Variants in CD44 observed in about 807,000 individuals in gnomAD.
CD44 encodes the protein CD44 antigen.
CD44 carries 49 observed loss-of-function variants against 88.8 expected under a neutral mutation model. The ratio of observed to expected loss-of-function variants is 0.55; its 90% CI spans 0.44 to 0.70. The LOEUF (loss-of-function observed/expected upper bound fraction) is 0.70, where lower values mean the gene tolerates loss of function less well. Among genes scored for constraint, CD44 ranks in the 30% least tolerant of loss-of-function variants. The pLI is 0.00. For synonymous variants in CD44, 325 were observed against 312.3 expected (o/e 1.04, Z -0.43); for missense variants, 883 against 913.8 (o/e 0.97, Z 0.43).
At chr11:35,151,507 C>T (rs1335649545) in intron 1 of CD44, among the ~76,000 whole-genome samples, 1 of 152,174 alleles carries the variant, frequency 6.6e-6, no homozygotes, top group Non-Finnish European at 1.5e-5. Context: ...TAGATTTTAG[C>T]TCAAGGAACA....
chr11:35,169,369 C>T (rs1388731011), intron 1 of CD44, among the ~76,000 whole-genome samples: 1 of 151,972 alleles, frequency 6.6e-6, no homozygotes, highest in Non-Finnish European at 1.5e-5. Flanking sequence ...GGTTGTGTCA[C>T]AGACTTTGAA....
At chr11:35,141,176 A>G (rs1349601408) in intron 1 of CD44, among the ~76,000 whole-genome samples, 1 of 152,172 alleles carries the variant, frequency 6.6e-6, no homozygotes, top group Non-Finnish European at 1.5e-5. Context: ...CAGGAGGAAA[A>G]CTGATGCTTA....
At chr11:35,200,702 G>A (rs1947228607) in intron 7 of CD44, 1 of 183,846 alleles carries the variant, frequency 5.4e-6, no homozygotes, top group South Asian at 1.3e-4. Flanking sequence ...TAAGTCCCTG[G>A]GCTTTCAAGT....
At chr11:35,189,769 A>T in intron 4 of CD44, 66 bp from the exon 5 acceptor site, 1 of 1,054,874 alleles carries the variant, frequency 9.5e-7, no homozygotes, top group Non-Finnish European at 1.4e-6. Context: ...TCACTATGTT[A>T]AACGCTAATC....
intron 1 of CD44, among the ~76,000 whole-genome samples, chr11:35,169,424 AC>A (rs1943640395): frequency 1.3e-5 from 2 of 151,820 alleles, no homozygotes; most frequent in Non-Finnish European, 2.9e-5. Context: ...ACACACACAC[AC>A]ACACACACAC....
chr11:35,220,988 T>G lies in CD44; in HGVS notation c.1946-666T>G, dbSNP rs141993215. Among the ~76,000 whole-genome samples, 799 of 152,246 alleles carry G rather than the reference T, an allele frequency of 5.2e-3. 12 individuals are homozygous for G. Among genetic ancestry groups the G allele is most frequent in the African/African-American group, 0.018 (765 of 41,544 alleles). On this transcript the variant is annotated intron_variant, in intron 16 of 17. Transcript: ENST00000428726. ...GTTGGTCAGGCTGGTCTCAAACTCC[T>G]GACCTCGTGATTCACCCACTTCAGC...
At chr11:35,153,822 C>A (rs1384641070) in intron 1 of CD44, among the ~76,000 whole-genome samples, 2 of 152,228 alleles carry the variant, frequency 1.3e-5, no homozygotes, top group African/African-American at 4.8e-5. Flanking sequence ...TAGCAGTAAC[C>A]ATGTCTCCAG....
At chr11:35,204,742 C>G (rs1037751338) in intron 10 of CD44, 102 bp downstream of exon 10, 4 of 1,057,964 alleles carry the variant, frequency 3.8e-6, no homozygotes, top group Non-Finnish European at 5.6e-6. Flanking sequence ...GGAATTGTCA[C>G]GAGATGTTAG....
chr11:35,156,736 T>G (rs185885628), intron 1 of CD44, among the ~76,000 whole-genome samples: 79 of 152,346 alleles, frequency 5.2e-4, no homozygotes, highest in African/African-American at 1.8e-3. Context: ...CATGCTGTGT[T>G]GTCAACTTGT....
At chr11:35,144,567 C>T (rs977138217) in intron 1 of CD44, among the ~76,000 whole-genome samples, 1 of 152,138 alleles carries the variant, frequency 6.6e-6, no homozygotes, top group Non-Finnish European at 1.5e-5. Context: ...GTGTACCCCC[C>T]ACAGCTGCCC....
Position 35,142,980 on chromosome 11 carries a change from C to A in CD44, c.67+3610C>A, listed in dbSNP as rs556996181. Among the ~76,000 whole-genome samples the A allele has an allele frequency of 2.6e-5, 4 of 152,218 alleles. No homozygotes were observed. In the South Asian group the frequency reaches 8.3e-4, roughly 32 times the overall value. ...AGGGCAGGGCATTTCTCTCATGTATCTCTATCATGAGGACTGTGGGAGCCT... is the reference window on the plus strand; with the variant it reads ...AGGGCAGGGCATTTCTCTCATGTATATCTATCATGAGGACTGTGGGAGCCT... On this transcript the variant is annotated intron_variant, in intron 1 of 17. Transcript: ENST00000428726.
chr11:35,222,483 A>T, intron 17 of CD44: 1 of 1,239,362 alleles, frequency 8.1e-7, no homozygotes, highest in South Asian at 1.4e-5. Context: ...CAACTAAATG[A>T]AGACAGTCAC....
At chr11:35,142,180 CT>C (rs1000812670) in intron 1 of CD44, among the ~76,000 whole-genome samples, 3 of 150,728 alleles carry the variant, frequency 2.0e-5, no homozygotes, top group Admixed American at 6.6e-5. Flanking sequence ...GTGAGGGGAT[CT>C]TTTTTTTTAA....
At chr11:35,222,241 C>A (rs1949359605) in intron 17 of CD44, 4 of 391,016 alleles carry the variant, frequency 1.0e-5, no homozygotes, top group Admixed American at 6.3e-5. Context: ...CCCAGGGAAC[C>A]TTTAAGAACT....
In CD44 at chr11:35,226,764, C is replaced by G. The variant is rs116748641; in HGVS notation, c.2025-2365C>G. Among the ~76,000 whole-genome samples, 988 of 152,028 alleles carry G rather than the reference C, an allele frequency of 6.5e-3. 9 individuals are homozygous for G. Among genetic ancestry groups the G allele is most frequent in the African/African-American group, 0.023 (953 of 41,454 alleles). ...CTATGATATTGCTACTCTTAGTAAC[C>G]TGGTATTATTGATGCAAAACTGAGG... On this transcript the variant is annotated intron_variant, in intron 17 of 17. Transcript: ENST00000428726.
rs777829505 is a variant in CD44, at chr11:35,229,164, G to T, written c.2060G>T (p.Gly687Val). ...GQKKKLVINS[G>V]NGAVEDRKPS... The stretch of plus-strand genomic sequence containing the variant: ...AAGAAAAAGCTAGTGATCAACAGTG[G>T]CAATGGAGCTGTGGAGGACAGAAAG... Residue 687 changes from glycine to valine, a missense_variant, in exon 18 of 18, where the codon GGC becomes GTC. This residue lies in a region of CD44 where 631 missense variants were observed against 590.9 expected (regional missense o/e 1.07). Transcript: ENST00000428726. 6 of 1,614,044 alleles carry T rather than the reference G, an allele frequency of 3.7e-6. No homozygotes were observed. The South Asian group carries it at 5.5e-5, about 15-fold the overall frequency.
At chr11:35,165,619 A>G (rs1943171439) in intron 1 of CD44, among the ~76,000 whole-genome samples, 1 of 152,174 alleles carries the variant, frequency 6.6e-6, no homozygotes, top group Non-Finnish European at 1.5e-5. Flanking sequence ...AAGCTTTTTG[A>G]GATTTTAATA....
intron 1 of CD44, among the ~76,000 whole-genome samples, chr11:35,167,900 G>C (rs1025031382): frequency 1.3e-5 from 2 of 152,346 alleles, no homozygotes; most frequent in African/African-American, 4.8e-5. Context: ...CAGGAGGCCT[G>C]GGGGCTACGA....
At chr11:35,160,494 C>A (rs948735458) in intron 1 of CD44, among the ~76,000 whole-genome samples, 2 of 152,178 alleles carry the variant, frequency 1.3e-5, no homozygotes, top group African/African-American at 2.4e-5. Flanking sequence ...AATGCCATTT[C>A]TCTGCAGGTA....
Sources: gnomAD v4.1 joint callset for allele counts (sites outside exome capture counted in the v4.1 genomes callset) on GRCh38, gnomAD v4.1.1 for gene constraint, gnomAD v4.1.1 regional missense constraint, MANE v1.5 for transcripts, NCBI Gene and HGNC (gene_info 2026-07-23, HGNC 2026-07-21) for gene names.